PACS2: variants seen among roughly 807,000 people sequenced by gnomAD.
PACS2 encodes the protein phosphofurin acidic cluster sorting protein 2.
A neutral mutation model predicts 113.0 loss-of-function variants in PACS2; 36 were observed. That is an observed-to-expected ratio of 0.32 (90% CI 0.24 to 0.42). The LOEUF (loss-of-function observed/expected upper bound fraction) is 0.42. PACS2 is among the 10% of genes least tolerant of loss of function. The pLI is 1.00. For missense variants in PACS2, 1,015 were observed against 1,239.5 expected, an observed-to-expected ratio of 0.82 and a Z score of 2.72; for synonymous variants, 589 against 536.1, an observed-to-expected ratio of 1.10 and a Z score of -1.36.
At position 105,376,970 on chromosome 14, in the gene PACS2, G is replaced by A; in HGVS notation, c.959+45G>A. ...GCGGGGAGGAACAGCCATTTCAGAT[G>A]CCCCGGCCACTCTGCGACCACTCTG... On this transcript the variant is annotated intron_variant, in intron 9 of 24. Transcript: ENST00000447393. This position sits in a 1 kb window ranked among gnomAD's most constrained non-coding sequence, Gnocchi z 4.7. The A allele has an allele frequency of 1.3e-6, 2 of 1,540,486 alleles. No individual in the cohort carries two copies. Among genetic ancestry groups the A allele is most frequent in the Non-Finnish European group, 1.8e-6 (2 of 1,140,000 alleles).
At chr14:105,327,444 G>A (rs1439867029) in intron 1 of PACS2, among the ~76,000 whole-genome samples, 4 of 152,188 alleles carry the variant, frequency 2.6e-5, no homozygotes, top group African/African-American at 7.2e-5. Flanking sequence ...TCAGACCCTC[G>A]GCAAGTGGTG....
chr14:105,319,684 G>C (rs1176703512), intron 1 of PACS2, among the ~76,000 whole-genome samples: 1 of 152,144 alleles, frequency 6.6e-6, no homozygotes, highest in African/African-American at 2.4e-5. Flanking sequence ...TTGCCTGACT[G>C]TGCCAGTTGT....
intron 1 of PACS2, among the ~76,000 whole-genome samples, chr14:105,321,913 A>G (rs1228473574): frequency 6.8e-6 from 1 of 147,508 alleles, no homozygotes; most frequent in Non-Finnish European, 1.5e-5. Context: ...ATGTATCTAG[A>G]TTTCATTTTC....
In PACS2 at chr14:105,391,644, C is replaced by G. The variant is rs782667380; in HGVS notation, c.2133C>G (p.Asp711Glu). 6.9e-5 allele frequency: 111 copies of G among 1,609,886 alleles called. No individual in the cohort carries two copies. In the Middle Eastern group the frequency reaches 7.0e-4, roughly 10 times the overall value. The change falls in exon 22 of 25, where the codon GAC becomes GAG. Residue 711 changes from aspartate (D) to glutamate (E), a missense_variant. By Grantham distance (45) the Asp-to-Glu change is conservative. Around this residue, in one of 3 missense-constraint regions of PACS2, gnomAD observed 859 missense variants for 1,056.8 expected, o/e 0.81. Transcript: ENST00000447393. ...TCCTCCCCAAAGGCGACTCGGACGA[C>G]GCGGCCCCCTCGGGCTCTGGCACGC... ...PSSATSGDSD[D>E]AAPSGSGTLS...
upstream of PACS2, among the ~76,000 whole-genome samples, chr14:105,311,421 G>A (rs763836342): frequency 3.9e-5 from 6 of 151,912 alleles, no homozygotes; most frequent in Non-Finnish European, 7.4e-5. Context: ...GCCCAGGTAC[G>A]TTTTTGTATT....
At chr14:105,333,673 C>T (rs1475594849) in intron 1 of PACS2, among the ~76,000 whole-genome samples, 2 of 152,242 alleles carry the variant, frequency 1.3e-5, no homozygotes, top group East Asian at 1.9e-4. Flanking sequence ...GCCTTTGCCC[C>T]GTGGGCCATT....
At chr14:105,318,737 C>T (rs2058764423) in intron 1 of PACS2, among the ~76,000 whole-genome samples, 1 of 151,960 alleles carries the variant, frequency 6.6e-6, no homozygotes, top group South Asian at 2.1e-4. Flanking sequence ...CGGCTCACTG[C>T]AAGCTCCGCC....
At chr14:105,391,512 T>TTG in intron 21 of PACS2, 119 bp from the exon 22 acceptor site, 6 of 611,322 alleles carry the variant, frequency 9.8e-6, no homozygotes, top group Non-Finnish European at 1.2e-5. Context: ...CACTGGGGAC[T>TTG]CCCACCCTGC....
chr14:105,335,403 G>A (rs969917544), intron 1 of PACS2, among the ~76,000 whole-genome samples: 16 of 151,944 alleles, frequency 1.1e-4, no homozygotes, highest in Non-Finnish European at 1.5e-4. Context: ...TGTGGCCGGC[G>A]CCTGGCGTGG....
At chr14:105,335,075 G>A (rs2059460694) in intron 1 of PACS2, among the ~76,000 whole-genome samples, 2 of 152,258 alleles carry the variant, frequency 1.3e-5, no homozygotes, top group South Asian at 4.1e-4. Flanking sequence ...GCAGGTCTGA[G>A]GACAGGGCCT....
At chr14:105,306,911 G>A (rs889467551) in intron 1 of PACS2, among the ~76,000 whole-genome samples, 1 of 151,586 alleles carries the variant, frequency 6.6e-6, no homozygotes, top group East Asian at 1.9e-4. Flanking sequence ...AAGCCCCATC[G>A]TGTTCTCATC....
intron 1 of PACS2, among the ~76,000 whole-genome samples, chr14:105,304,626 A>G (rs182491718): frequency 6.6e-6 from 1 of 152,228 alleles, no homozygotes; most frequent in Admixed American, 6.5e-5. Flanking sequence ...CTGAATGTGC[A>G]TTGTATCAGT....
chr14:105,346,579 C>G (rs1169956849), intron 1 of PACS2, among the ~76,000 whole-genome samples: 1 of 68,978 alleles, frequency 1.4e-5, no homozygotes, highest in Non-Finnish European at 2.9e-5. Flanking sequence ...CGCACGACTT[C>G]CCCCCCTACC....
chr14:105,389,742 C>T (rs1474320345), intron 19 of PACS2: 1 of 596,540 alleles, frequency 1.7e-6, no homozygotes, highest in Non-Finnish European at 3.0e-6. Context: ...GTCAGCATGT[C>T]AGAAGGGGCC....
intron 19 of PACS2, among the ~76,000 whole-genome samples, chr14:105,388,178 A>G (rs1248740965): frequency 2.6e-5 from 4 of 152,122 alleles, no homozygotes; most frequent in African/African-American, 9.7e-5. Context: ...AGGTGGTTTC[A>G]TCCAGAGGCA....
chr14:105,381,840 A>C, intron 12 of PACS2, 74 bp from the exon 13 acceptor site: 3 of 1,378,278 alleles, frequency 2.2e-6, no homozygotes, highest in Non-Finnish European at 3.0e-6. Flanking sequence ...AGGCCACTGC[A>C]GGCCTGCCCC....
intron 1 of PACS2, among the ~76,000 whole-genome samples, chr14:105,339,928 G>GCCACC (rs1354587286): frequency 6.7e-6 from 1 of 150,372 alleles, no homozygotes; most frequent in Non-Finnish European, 1.5e-5. Context: ...ACAGGCATGA[G>GCCACC]CCACCACATC....
chr14:105,368,556 T>C lies in PACS2; in HGVS notation c.741+17T>C. Reference sequence around the variant, plus strand: ...ATGACCAGGGTTGGTGGAGACTGCTTCTATGAATGCTGGGGAAGGCGAGGG... The same window carrying C: ...ATGACCAGGGTTGGTGGAGACTGCTCCTATGAATGCTGGGGAAGGCGAGGG... On this transcript the variant is annotated intron_variant, in intron 7 of 24. Coordinates refer to ENST00000447393, the MANE Select transcript of PACS2 (RefSeq NM_001100913.3). 6.3e-7 allele frequency: 1 copy of C among 1,598,548 alleles called. No individual in the cohort carries two copies.
chr14:105,382,017 C>T lies in PACS2; in HGVS notation c.1372C>T (p.Arg458Cys), dbSNP rs1284802442. 1.8e-5 allele frequency: 28 copies of T among 1,549,754 alleles called. 1 individual carries two copies. The Admixed American group carries it at 4.9e-4, about 27-fold the overall frequency. The change falls in exon 13 of 25, where the codon CGC (arginine) becomes TGC (cysteine). Residue 458 changes from arginine to cysteine, a missense_variant. Coordinates refer to ENST00000447393, the MANE Select transcript of PACS2 (RefSeq NM_001100913.3). Reference sequence around the variant, plus strand: ...GCGGGCCAACAGCCTGGACAACGAGCGCTGCCCGGACGCCCGGAGCCAGCT... The same window carrying T: ...GCGGGCCAACAGCCTGGACAACGAGTGCTGCCCGGACGCCCGGAGCCAGCT... The part of the protein sequence containing the change: ...NERANSLDNE[R>C]CPDARSQLQV...
Sources: gnomAD v4.1 joint callset for allele counts (sites outside exome capture counted in the v4.1 genomes callset) on GRCh38, gnomAD v4.1.1 for gene constraint, gnomAD v4.1.1 regional missense constraint, Gnocchi (gnomAD v3.1) non-coding constraint, MANE v1.5 for transcripts, NCBI Gene and HGNC (gene_info 2026-07-23, HGNC 2026-07-21) for gene names.